The following SGCG variants were observed in gnomAD, a reference collection of about 807,000 sequenced individuals.
SGCG encodes sarcoglycan gamma, also known as gamma-sarcoglycan.
SGCG carries 26 observed loss-of-function variants against 29.3 expected under a neutral mutation model. That is an observed-to-expected ratio of 0.89 (90% CI 0.65 to 1.23). The LOEUF (loss-of-function observed/expected upper bound fraction) is 1.23, where lower values mean the gene tolerates loss of function less well. SGCG is among the 50% of genes most tolerant of loss of function. SGCG has a pLI of 0.00. For missense variants in SGCG, 353 were observed against 356.0 expected (o/e 0.99, Z 0.07); for synonymous variants, 145 against 129.7 (o/e 1.12, Z -0.80).
chr13:23,276,113 T>C (rs1881056983), intron 4 of SGCG, among the ~76,000 whole-genome samples: 1 of 152,144 alleles, frequency 6.6e-6, no homozygotes, highest in South Asian at 2.1e-4. Context: ...AGAATTTAAA[T>C]TTTATTTCTT....
At chr13:23,312,207 T>A (rs1882629170) in intron 6 of SGCG, among the ~76,000 whole-genome samples, 1 of 152,172 alleles carries the variant, frequency 6.6e-6, no homozygotes. Flanking sequence ...AAAGGGAAAT[T>A]TCTATAAGCT....
intron 1 of SGCG, among the ~76,000 whole-genome samples, chr13:23,190,352 A>G (rs1449747463): frequency 5.9e-5 from 9 of 152,184 alleles, no homozygotes; most frequent in Admixed American, 5.9e-4. Flanking sequence ...CTGTAAATAT[A>G]TCATCTTTGA....
chr13:23,277,490 T>C (rs1881125184), intron 4 of SGCG, among the ~76,000 whole-genome samples: 3 of 152,050 alleles, frequency 2.0e-5, no homozygotes, highest in African/African-American at 7.2e-5. Context: ...TATTTATTTA[T>C]TTAAATGAAG....
At chr13:23,221,952 T>C (rs932992671) in intron 2 of SGCG, among the ~76,000 whole-genome samples, 4 of 152,186 alleles carry the variant, frequency 2.6e-5, no homozygotes, top group African/African-American at 9.7e-5. Context: ...AATAACTTGT[T>C]CGATTAGTTT....
intron 6 of SGCG, among the ~76,000 whole-genome samples, chr13:23,309,493 T>C (rs977097858): frequency 6.6e-6 from 1 of 152,216 alleles, no homozygotes; most frequent in Non-Finnish European, 1.5e-5. Context: ...CTTTTTATTA[T>C]TATACTTCTT....
At chr13:23,206,248 T>A (rs1211931216) in intron 2 of SGCG, among the ~76,000 whole-genome samples, 1 of 152,224 alleles carries the variant, frequency 6.6e-6, no homozygotes, top group Admixed American at 6.5e-5. Context: ...AGGTACAATG[T>A]TGTACAGCAG....
chr13:23,220,668 A>G (rs1477595419), intron 2 of SGCG, among the ~76,000 whole-genome samples: 1 of 152,198 alleles, frequency 6.6e-6, no homozygotes, highest in African/African-American at 2.4e-5. Context: ...CACTCCTCAC[A>G]ATTTAGATGA....
At chr13:23,263,693 C>G (rs1433355285) in intron 4 of SGCG, among the ~76,000 whole-genome samples, 1 of 152,060 alleles carries the variant, frequency 6.6e-6, no homozygotes, top group African/African-American at 2.4e-5. Flanking sequence ...CAACAAAATA[C>G]TAGCTGACTG....
intron 5 of SGCG, among the ~76,000 whole-genome samples, chr13:23,291,217 A>G (rs1326504): frequency 0.73 from 110,379 of 152,100 alleles, 40,445 homozygotes; most frequent in Non-Finnish European, 0.77. Flanking sequence ...ATACTTTCCT[A>G]TATAAATAAT....
chr13:23,194,994 C>G (rs1165972407), intron 1 of SGCG, among the ~76,000 whole-genome samples: 2 of 152,214 alleles, frequency 1.3e-5, no homozygotes, highest in Non-Finnish European at 2.9e-5. Flanking sequence ...TTAACATTAA[C>G]TCAGCTTTCA....
intron 2 of SGCG, among the ~76,000 whole-genome samples, chr13:23,230,807 A>G (rs1408758762): frequency 6.6e-6 from 1 of 152,070 alleles, no homozygotes; most frequent in South Asian, 2.1e-4. Context: ...TCTGACCAGG[A>G]CCTCTAACAC....
the SGCG span, among the ~76,000 whole-genome samples, chr13:23,169,054 AAT>A: frequency 6.6e-6 from 1 of 151,308 alleles, no homozygotes; most frequent in Non-Finnish European, 1.5e-5. Flanking sequence ...TATATATATA[AAT>A]ATATTTTTTA....
At chr13:23,194,526 C>A (rs557817168) in intron 1 of SGCG, among the ~76,000 whole-genome samples, 5 of 152,336 alleles carry the variant, frequency 3.3e-5, no homozygotes, top group African/African-American at 1.2e-4. Flanking sequence ...TCTTCTCTGG[C>A]AAGCTCTCTC....
intron 2 of SGCG, among the ~76,000 whole-genome samples, chr13:23,213,342 C>T (rs771850157): frequency 5.1e-4 from 77 of 151,974 alleles, no homozygotes; most frequent in Admixed American, 2.8e-3. Flanking sequence ...ATTAGCTGGG[C>T]GTGGTGGCAC....
At chr13:23,276,163 T>A (rs1185716554) in intron 4 of SGCG, among the ~76,000 whole-genome samples, 1 of 152,038 alleles carries the variant, frequency 6.6e-6, no homozygotes, top group Non-Finnish European at 1.5e-5. Context: ...TCCTCAGCTC[T>A]AATCAATGTC....
the SGCG span, among the ~76,000 whole-genome samples, chr13:23,160,542 G>A: frequency 6.6e-6 from 1 of 152,158 alleles, no homozygotes; most frequent in Non-Finnish European, 1.5e-5. Context: ...GAAGGACGGA[G>A]CAGAGGCCCG....
In SGCG at chr13:23,280,379, A is replaced by G. The variant is rs538816853; in HGVS notation, c.505+901A>G. Among the ~76,000 whole-genome samples, 8 of 152,334 alleles carry G rather than the reference A, an allele frequency of 5.3e-5. No homozygotes were observed. The South Asian group carries it at 1.2e-3, about 24-fold the overall frequency. ...CAATAGCAATGTTATTGTCTCACAC[A>G]ATACTACCAATACTCCCAAATGAAA... On this transcript the variant is annotated intron_variant, in intron 5 of 7. Transcript: ENST00000218867.
intron 1 of SGCG, among the ~76,000 whole-genome samples, chr13:23,186,769 A>G (rs1876992288): frequency 6.6e-6 from 1 of 152,150 alleles, no homozygotes; most frequent in Admixed American, 6.5e-5. Context: ...TCCCGGGCTC[A>G]TGTACCTAGC....
intron 3 of SGCG, among the ~76,000 whole-genome samples, chr13:23,237,389 AAAG>A (rs1879352479): frequency 6.6e-6 from 1 of 152,240 alleles, no homozygotes; most frequent in Non-Finnish European, 1.5e-5. Context: ...TCAGCCCTGA[AAAG>A]AAGCTTTAGC....
Sources: gnomAD v4.1 joint callset for allele counts (sites outside exome capture counted in the v4.1 genomes callset) on GRCh38, gnomAD v4.1.1 for gene constraint, MANE v1.5 for transcripts, NCBI Gene and HGNC (gene_info 2026-07-23, HGNC 2026-07-21) for gene names.